Variants in OTOGL observed in about 807,000 individuals in gnomAD.
OTOGL encodes the protein otogelin like.
A neutral mutation model predicts 318.5 loss-of-function variants in OTOGL; 285 were observed. The observed-to-expected ratio is 0.89, with a 90% confidence interval of 0.81 to 0.99. The LOEUF (loss-of-function observed/expected upper bound fraction) is 0.99, where lower values mean the gene tolerates loss of function less well. Among genes scored for constraint, OTOGL ranks in the 50% least tolerant of loss-of-function variants. OTOGL has a pLI of 0.00. For missense variants in OTOGL, 2,899 were observed against 2,845.6 expected, an observed-to-expected ratio of 1.02 and a Z score of -0.43; for synonymous variants, 987 against 936.5, an observed-to-expected ratio of 1.05 and a Z score of -0.99.
chr12:80,155,798 C>T (rs1873076646), intron 1 of OTOGL, among the ~76,000 whole-genome samples: 1 of 152,198 alleles, frequency 6.6e-6, no homozygotes, highest in Non-Finnish European at 1.5e-5. Flanking sequence ...GGTAACCATC[C>T]TTCTACTCTC....
Position 80,196,229 on chromosome 12 carries a change from T to C in OTOGL, c.-19-13184T>C, listed in dbSNP as rs1876056155. 2.6e-5 allele frequency among the ~76,000 whole-genome samples: 4 copies of C among 152,300 alleles called. No individual in the cohort carries two copies. The South Asian group carries it at 8.3e-4, about 32-fold the overall frequency. On this transcript the variant is annotated intron_variant, in intron 1 of 58. Coordinates refer to ENST00000547103, the MANE Select transcript of OTOGL (RefSeq NM_001378609.3). ...GCTACAGTCCCCCTCCTTTTCTCCA[T>C]TGCTTAATTTGTACCCTCTGTTTAA...
chr12:80,139,522 CT>C (rs1871792188), intron 1 of OTOGL, among the ~76,000 whole-genome samples: 1 of 152,036 alleles, frequency 6.6e-6, no homozygotes, highest in African/African-American at 2.4e-5. Context: ...CCTGATTTCC[CT>C]AGCTAATGTG....
chr12:80,266,299 A>T (rs1882956018), intron 20 of OTOGL, among the ~76,000 whole-genome samples, 152 bp from the exon 21 acceptor site: 1 of 152,214 alleles, frequency 6.6e-6, no homozygotes, highest in Non-Finnish European at 1.5e-5. Flanking sequence ...TCCACTGAGG[A>T]TGTTGCTCTT....
intron 1 of OTOGL, among the ~76,000 whole-genome samples, chr12:80,146,799 G>A (rs1257276478): frequency 2.0e-5 from 3 of 150,892 alleles, no homozygotes; most frequent in Non-Finnish European, 4.5e-5. Context: ...GAGTGTATGT[G>A]TCGAGGAATT....
chr12:80,295,157 C>CTTTTTTTTTTTTTT lies in OTOGL; in HGVS notation c.2929-1654_2929-1641dup, dbSNP rs66786755. Among the ~76,000 whole-genome samples the CTTTTTTTTTTTTTT allele has an allele frequency of 2.0e-5, 2 of 98,924 alleles. 1 individual carries two copies. Among genetic ancestry groups the CTTTTTTTTTTTTTT allele is most frequent in the African/African-American group, 9.7e-5 (2 of 20,626 alleles). The allele number at this position is 98,924 out of a possible 152,430, so 64.9% of individuals were successfully genotyped here. On this transcript the variant is annotated intron_variant, in intron 26 of 58. Coordinates refer to ENST00000547103, the MANE Select transcript of OTOGL (RefSeq NM_001378609.3). ...AAACACAAACTGTATGATTGCCGAA[C>CTTTTTTTTTTTTTT]TTTTTTTTTTTTTTTTTTTTTTTTT... is the stretch of plus-strand genomic sequence containing the variant.
intron 26 of OTOGL, among the ~76,000 whole-genome samples, chr12:80,295,238 G>A (rs932637173): frequency 1.1e-4 from 16 of 142,132 alleles, no homozygotes; most frequent in African/African-American, 3.5e-4. Context: ...GTGCAGTGGC[G>A]TGGTCTCAGC....
At chr12:80,099,800 T>A (rs994738271) in intron 1 of OTOGL, among the ~76,000 whole-genome samples, 195 bp downstream of exon 1, 5 of 152,212 alleles carry the variant, frequency 3.3e-5, no homozygotes, top group East Asian at 1.9e-4. Context: ...AAGAATGACC[T>A]GTATTTTCTC....
chr12:80,288,871 T>A (rs960618461), intron 26 of OTOGL, among the ~76,000 whole-genome samples: 12 of 152,112 alleles, frequency 7.9e-5, no homozygotes, highest in African/African-American at 2.7e-4. Flanking sequence ...AAGAGTTTGT[T>A]ACTACCCACT....
intron 1 of OTOGL, among the ~76,000 whole-genome samples, chr12:80,136,774 TTC>T (rs1272743457): frequency 6.6e-6 from 1 of 152,206 alleles, no homozygotes; most frequent in African/African-American, 2.4e-5. Flanking sequence ...TATCTCTTCA[TTC>T]TCTGTTTTTT....
chr12:80,305,385 A>G (rs911922919), intron 28 of OTOGL, among the ~76,000 whole-genome samples, 191 bp from the exon 29 acceptor site: 2 of 152,206 alleles, frequency 1.3e-5, no homozygotes, highest in Non-Finnish European at 2.9e-5. Flanking sequence ...ATTTTTGCAA[A>G]TTTAAAATAA....
At chr12:80,272,341 GATGTGT>G (rs1186774753) in intron 24 of OTOGL, among the ~76,000 whole-genome samples, 3 of 110,282 alleles carry the variant, frequency 2.7e-5, no homozygotes, top group Non-Finnish European at 5.5e-5. Flanking sequence ...TAGGCATTGT[GATGTGT>G]GTGTGTGTGT....
At chr12:80,304,965 A>G (rs1193299312) in intron 28 of OTOGL, among the ~76,000 whole-genome samples, 1 of 152,192 alleles carries the variant, frequency 6.6e-6, no homozygotes, top group Non-Finnish European at 1.5e-5. Flanking sequence ...ACTTATTACC[A>G]TGGGACCTCT....
At chr12:80,224,674 A>G (rs1878663780) in intron 7 of OTOGL, among the ~76,000 whole-genome samples, 1 of 151,886 alleles carries the variant, frequency 6.6e-6, no homozygotes, top group Non-Finnish European at 1.5e-5. Flanking sequence ...TGTTTTTTGC[A>G]GCTATTGTAA....
At chr12:80,330,272 G>A (rs746473374) in intron 37 of OTOGL, among the ~76,000 whole-genome samples, 9 of 152,092 alleles carry the variant, frequency 5.9e-5, no homozygotes, top group Non-Finnish European at 1.0e-4. Flanking sequence ...TACCATTTGA[G>A]TACTAATTAT....
intron 24 of OTOGL, among the ~76,000 whole-genome samples, chr12:80,272,144 T>C (rs1377854752): frequency 6.6e-6 from 1 of 152,138 alleles, no homozygotes; most frequent in Non-Finnish European, 1.5e-5. Context: ...GTTGTGCAGT[T>C]ACTGGTATTG....
intron 1 of OTOGL, among the ~76,000 whole-genome samples, chr12:80,148,192 C>T (rs569338357): frequency 3.8e-4 from 58 of 150,968 alleles, no homozygotes; most frequent in African/African-American, 8.0e-4. Context: ...CGGCTGGTAC[C>T]GGTTGTTCCT....
chr12:80,159,043 G>A (rs1209736253), intron 1 of OTOGL, among the ~76,000 whole-genome samples: 4 of 152,066 alleles, frequency 2.6e-5, no homozygotes, highest in Non-Finnish European at 5.9e-5. Flanking sequence ...TAATCATAAA[G>A]CAATGCTGGA....
intron 27 of OTOGL, among the ~76,000 whole-genome samples, chr12:80,298,768 C>T (rs529112959): frequency 7.8e-4 from 118 of 152,212 alleles, no homozygotes; most frequent in African/African-American, 2.7e-3. Context: ...CAAAGTGACT[C>T]AGGGAGGAGT....
intron 26 of OTOGL, among the ~76,000 whole-genome samples, chr12:80,281,647 T>C (rs1366811793): frequency 6.6e-6 from 1 of 151,954 alleles, no homozygotes; most frequent in Non-Finnish European, 1.5e-5. Context: ...GATATTGGCC[T>C]GAAGTTTTCT....
Sources: allele counts gnomAD v4.1 joint callset (sites outside exome capture counted in the v4.1 genomes callset), GRCh38; gene constraint gnomAD v4.1.1; transcripts MANE v1.5; gene names NCBI Gene and HGNC (gene_info 2026-07-23, HGNC 2026-07-21).